The following UNC13C variants were observed in gnomAD, a reference collection of about 807,000 sequenced individuals.
The protein encoded by UNC13C is unc-13 homolog C, also known as protein unc-13 homolog C.
UNC13C carries 174 observed loss-of-function variants against 245.4 expected under a neutral mutation model. The observed-to-expected ratio is 0.71, with a 90% CI of 0.63 to 0.80. The LOEUF (loss-of-function observed/expected upper bound fraction) is 0.80, where lower values mean the gene tolerates loss of function less well. Among genes scored for constraint, UNC13C ranks in the 30% least tolerant of loss-of-function variants. UNC13C has a pLI of 0.00. For missense variants in UNC13C, 2,829 were observed against 2,602.9 expected (o/e 1.09, Z -1.89); for synonymous variants, 992 against 895.1 (o/e 1.11, Z -1.93).
At chr15:53,975,007 C>T (rs1277295960), upstream of UNC13C, 1 of 152,198 alleles carries the variant, frequency 6.6e-6, no homozygotes, top group East Asian at 1.9e-4. Flanking sequence ...GCCACGTGGA[C>T]TTCCCCCTAG....
At chr15:54,003,039 A>G (rs1203717224) in intron 1 of UNC13C, among the ~76,000 whole-genome samples, 1 of 152,160 alleles carries the variant, frequency 6.6e-6, no homozygotes, top group South Asian at 2.1e-4. Context: ...AGTGCTGTTC[A>G]AACTGCACTC....
rs112304820 is a variant in UNC13C, at chr15:54,518,935, G to A, written c.5458-6614G>A. Among the ~76,000 whole-genome samples the A allele has an allele frequency of 7.9e-5, 12 of 152,218 alleles. 1 individual carries two copies. The highest frequency in any genetic ancestry group is 6.2e-4 in the South Asian group (3 of 4,826). On this transcript the variant is annotated intron_variant, in intron 24 of 32. Coordinates refer to ENST00000260323, the MANE Select transcript of UNC13C (RefSeq NM_001080534.3). ...CACAATTAGCCAATAGATGCAACAT[G>A]TAAGCCCTAAATTCCTTTCCCATTG...
At chr15:54,192,440 A>G (rs2034216841) in intron 4 of UNC13C, among the ~76,000 whole-genome samples, 1 of 152,068 alleles carries the variant, frequency 6.6e-6, no homozygotes, top group African/African-American at 2.4e-5. Flanking sequence ...ACACAGGGTG[A>G]TATATCCATG....
chr15:54,292,143 CA>C (rs1344623162), intron 10 of UNC13C, among the ~76,000 whole-genome samples: 1 of 151,974 alleles, frequency 6.6e-6, no homozygotes, highest in Non-Finnish European at 1.5e-5. Context: ...ACAGCAACAA[CA>C]AAACCTTCTT....
chr15:53,922,096 A>T, the UNC13C span, among the ~76,000 whole-genome samples: 19 of 152,216 alleles, frequency 1.2e-4, no homozygotes, highest in Non-Finnish European at 2.5e-4. Flanking sequence ...GTCATGCTTG[A>T]AATTTAAATA....
At chr15:54,062,429 T>A (rs2141079915) in intron 2 of UNC13C, among the ~76,000 whole-genome samples, 1 of 152,260 alleles carries the variant, frequency 6.6e-6, no homozygotes, top group South Asian at 2.1e-4. Context: ...TAAACTGACA[T>A]GATTCTTCTT....
chr15:54,136,976 A>G (rs1391143798), intron 2 of UNC13C, among the ~76,000 whole-genome samples: 1 of 152,092 alleles, frequency 6.6e-6, no homozygotes, highest in Non-Finnish European at 1.5e-5. Flanking sequence ...AGCTGGGAGT[A>G]GAGGTGTACA....
intron 19 of UNC13C, among the ~76,000 whole-genome samples, chr15:54,441,772 G>T (rs565674381): frequency 7.2e-5 from 11 of 151,864 alleles, no homozygotes; most frequent in African/African-American, 2.2e-4. Context: ...ACTATTGGTT[G>T]ATTTACGTGT....
At chr15:54,197,264 G>A (rs879440173) in intron 4 of UNC13C, among the ~76,000 whole-genome samples, 4 of 152,006 alleles carry the variant, frequency 2.6e-5, no homozygotes, top group African/African-American at 4.8e-5. Flanking sequence ...ATCACCTGAG[G>A]TCAGGAGATC....
At chr15:54,556,843 G>T (rs1040471063) in intron 29 of UNC13C, among the ~76,000 whole-genome samples, 1 of 151,946 alleles carries the variant, frequency 6.6e-6, no homozygotes, top group African/African-American at 2.4e-5. Flanking sequence ...TTAGGTCAAT[G>T]CATGGCTTTA....
intron 4 of UNC13C, among the ~76,000 whole-genome samples, chr15:54,157,757 G>T (rs2032812182): frequency 6.6e-6 from 1 of 152,116 alleles, no homozygotes; most frequent in Non-Finnish European, 1.5e-5. Context: ...CAGAGATATA[G>T]ACCAATGGAA....
At chr15:54,433,838 T>C (rs2040923340) in intron 19 of UNC13C, among the ~76,000 whole-genome samples, 1 of 151,902 alleles carries the variant, frequency 6.6e-6, no homozygotes, top group African/African-American at 2.4e-5. Context: ...GAAAACCGAT[T>C]GTCTCAGCCC....
At chr15:54,521,828 T>TA (rs1160767670) in intron 24 of UNC13C, among the ~76,000 whole-genome samples, 9 of 152,224 alleles carry the variant, frequency 5.9e-5, no homozygotes, top group Admixed American at 5.9e-4. Flanking sequence ...GAAGATGATA[T>TA]AGGACTGCTT....
chr15:53,933,921 A>T, the UNC13C span, among the ~76,000 whole-genome samples: 3 of 152,174 alleles, frequency 2.0e-5, no homozygotes, highest in Admixed American at 2.0e-4. Flanking sequence ...GTATTTTATA[A>T]AGGAAAGAGT....
chr15:54,494,699 T>G lies in UNC13C; in HGVS notation c.5025T>G (p.Leu1675=). ...KWFYNEYVRE[L]PAFKDAVPEY... is the part of the protein sequence containing the mutation. ...TTTATAATGAATATGTGCGTGAACTTCCTGCCTTCAAGGATGCTGTTCCTG... is the reference window on the plus strand; with the variant it reads ...TTTATAATGAATATGTGCGTGAACTGCCTGCCTTCAAGGATGCTGTTCCTG... Residue 1675 remains leucine (L), a synonymous_variant, in exon 20 of 33, where the codon CTT becomes CTG. Transcript: ENST00000260323. 1 of 1,611,290 alleles carries G rather than the reference T, an allele frequency of 6.2e-7. No homozygotes were observed. The highest frequency in any genetic ancestry group is 8.5e-7 in the Non-Finnish European group (1 of 1,178,618).
chr15:54,471,178 G>T (rs1032450131), intron 19 of UNC13C, among the ~76,000 whole-genome samples: 4 of 151,470 alleles, frequency 2.6e-5, no homozygotes, highest in Admixed American at 6.6e-5. Flanking sequence ...ATGTGCATTT[G>T]TTGCTGTTGG....
At chr15:54,163,560 T>C (rs12900128) in intron 4 of UNC13C, among the ~76,000 whole-genome samples, 42,874 of 152,064 alleles carry the variant, frequency 0.28, 6,109 homozygotes, top group South Asian at 0.36. Flanking sequence ...ACTGTACTTC[T>C]TTTTCATTAC....
rs1444070223 is a variant in UNC13C at position 54,552,651 on chromosome 15, T to C, written c.5878-2781T>C. Among the ~76,000 whole-genome samples, 454 of 81,376 alleles carry C rather than the reference T, an allele frequency of 5.6e-3. 24 individuals are homozygous for C. The highest frequency in any genetic ancestry group is 0.027 in the African/African-American group (443 of 16,480). 53.4% of individuals were successfully genotyped at this position (81,376 alleles called of 152,430 possible). A position where few individuals can be genotyped will look rare whatever the true frequency, so the allele number is the denominator to read the frequency against. On this transcript the variant is annotated intron_variant, in intron 28 of 32. Coordinates refer to ENST00000260323, the MANE Select transcript of UNC13C (RefSeq NM_001080534.3). ...TATTGTACAATATAATATAATTATA[T>C]AATTATATTATATTGTACTATATAA...
intron 4 of UNC13C, among the ~76,000 whole-genome samples, chr15:54,178,994 A>G (rs1365477569): frequency 1.3e-5 from 2 of 152,194 alleles, no homozygotes; most frequent in Admixed American, 6.6e-5. Context: ...CTGAATTTTC[A>G]TAGTTATTTA....
Sources: gnomAD v4.1 joint callset for allele counts (sites outside exome capture counted in the v4.1 genomes callset) on GRCh38, gnomAD v4.1.1 for gene constraint, MANE v1.5 for transcripts, NCBI Gene and HGNC (gene_info 2026-07-23, HGNC 2026-07-21) for gene names.